CYP20A1: variants seen among roughly 807,000 people sequenced by gnomAD.
CYP20A1 encodes the protein cytochrome P450 20A1.
A neutral mutation model predicts 61.4 loss-of-function variants in CYP20A1; 61 were observed. The observed-to-expected ratio is 0.99, with a 90% CI of 0.81 to 1.23. The LOEUF is 1.23. Among genes scored for constraint, CYP20A1 ranks in the 50% most tolerant of loss-of-function variants. The pLI, the probability that CYP20A1 is intolerant of heterozygous loss-of-function variation, is 0.00. For synonymous variants in CYP20A1, 193 were observed against 188.2 expected, an observed-to-expected ratio of 1.03 and a Z score of -0.21; for missense variants, 530 against 542.4, an observed-to-expected ratio of 0.98 and a Z score of 0.23.
At chr2:203,263,296 T>TGCC in intron 4 of CYP20A1, among the ~76,000 whole-genome samples, 6 of 148,948 alleles carry the variant, frequency 4.0e-5, no homozygotes, top group African/African-American at 1.2e-4. Flanking sequence ...GCTTTTTTTT[T>TGCC]TTTTTTAAAT....
chr2:203,278,840 C>G, intron 7 of CYP20A1, 152 bp downstream of exon 7: 1 of 533,830 alleles, frequency 1.9e-6, no homozygotes, highest in East Asian at 3.1e-5. Context: ...TATAGCAAGA[C>G]GCCATCTATA....
intron 4 of CYP20A1, among the ~76,000 whole-genome samples, chr2:203,257,149 C>CA (rs939628433): frequency 1.2e-3 from 173 of 139,074 alleles, no homozygotes; most frequent in Admixed American, 2.5e-3. Context: ...CCTGTCTCTA[C>CA]AAAAAAAAAA....
rs2069085082 is a variant in CYP20A1 at position 203,303,062 on chromosome 2, A to G, written c.*6154A>G. 6.8e-6 allele frequency among the ~76,000 whole-genome samples: 1 copy of G among 147,012 alleles called. No homozygotes were observed. The highest frequency in any genetic ancestry group is 2.5e-5 in the African/African-American group (1 of 39,712). Reference sequence around the variant, plus strand: ...GTCACCCAGGCTGGAGTGTGGTGGCACGATCTTGGCTCACTGCAACCCCTG... The same window carrying G: ...GTCACCCAGGCTGGAGTGTGGTGGCGCGATCTTGGCTCACTGCAACCCCTG... On this transcript the variant is annotated 3_prime_UTR_variant, in exon 13 of 13. Transcript: ENST00000356079.
chr2:203,276,523 A>T (rs568264509), intron 6 of CYP20A1, among the ~76,000 whole-genome samples: 2 of 152,284 alleles, frequency 1.3e-5, no homozygotes, highest in South Asian at 4.1e-4. Context: ...CAAGAAAAAA[A>T]AAAGGAGGAA....
intron 1 of CYP20A1, among the ~76,000 whole-genome samples, chr2:203,245,347 ATT>A (rs1314143117): frequency 5.7e-5 from 3 of 52,798 alleles, no homozygotes; most frequent in African/African-American, 1.2e-4. Flanking sequence ...TTAAAAAAAA[ATT>A]TTTTTTTTTT....
At chr2:203,290,728 C>T (rs557098383) in intron 10 of CYP20A1, among the ~76,000 whole-genome samples, 11 of 152,206 alleles carry the variant, frequency 7.2e-5, no homozygotes, top group South Asian at 4.1e-4. Flanking sequence ...CTGCAACCTC[C>T]GCCTCCCGAG....
At chr2:203,243,685 C>CTT (rs36041824) in intron 1 of CYP20A1, among the ~76,000 whole-genome samples, 12 of 75,584 alleles carry the variant, frequency 1.6e-4, no homozygotes, top group African/African-American at 2.5e-4. Context: ...CGCCTGGCCT[C>CTT]TTTTTTTTTT....
intron 11 of CYP20A1, among the ~76,000 whole-genome samples, chr2:203,294,978 A>C (rs1365904715): frequency 2.0e-5 from 1 of 48,876 alleles, no homozygotes; most frequent in Non-Finnish European, 3.5e-5. Context: ...TTTGAGACAG[A>C]GTCTCACTCT....
chr2:203,303,159 C>G lies in CYP20A1; in HGVS notation c.*6251C>G, dbSNP rs1413605013. ...GAGACTACGGGTATGTGCCACTACACTCAGCTAATTTTTGTATTTTTTTTT... is the reference window on the plus strand; with the variant it reads ...GAGACTACGGGTATGTGCCACTACAGTCAGCTAATTTTTGTATTTTTTTTT... On this transcript the variant is annotated 3_prime_UTR_variant, in exon 13 of 13. Coordinates refer to ENST00000356079, the MANE Select transcript of CYP20A1 (RefSeq NM_177538.3). Among the ~76,000 whole-genome samples, 2 of 151,844 alleles carry G rather than the reference C, an allele frequency of 1.3e-5. No individual in the cohort carries two copies. The highest frequency in any genetic ancestry group is 3.9e-4 in the East Asian group (2 of 5,122).
intron 4 of CYP20A1, among the ~76,000 whole-genome samples, chr2:203,254,262 AC>A (rs1264055908): frequency 6.6e-6 from 1 of 151,406 alleles, no homozygotes; most frequent in Non-Finnish European, 1.5e-5. Flanking sequence ...TTTATTTTTA[AC>A]CCTTGCCTTC....
At chr2:203,256,100 A>AT in intron 4 of CYP20A1, among the ~76,000 whole-genome samples, 1 of 152,164 alleles carries the variant, frequency 6.6e-6, no homozygotes, top group East Asian at 1.9e-4. Flanking sequence ...AGTAGCTGGG[A>AT]TTACAGGCAT....
intron 3 of CYP20A1, among the ~76,000 whole-genome samples, chr2:203,249,080 A>T (rs1395103777): frequency 6.6e-6 from 1 of 152,218 alleles, no homozygotes; most frequent in Non-Finnish European, 1.5e-5. Context: ...GTAATACAAG[A>T]AAACATGGTT....
chr2:203,271,750 T>TA (rs2067608896), intron 5 of CYP20A1, among the ~76,000 whole-genome samples: 1 of 152,150 alleles, frequency 6.6e-6, no homozygotes, highest in South Asian at 2.1e-4. Flanking sequence ...AATACAAAAA[T>TA]GAGGGCTGGG....
intron 9 of CYP20A1, among the ~76,000 whole-genome samples, chr2:203,287,215 C>CA (rs1168549640): frequency 0.49 from 22,894 of 47,204 alleles, 6,258 homozygotes; most frequent in Middle Eastern, 0.63. Context: ...GACCCTATCT[C>CA]AAAAAAAAAA....
chr2:203,239,924 C>G (rs1359252876), intron 1 of CYP20A1, among the ~76,000 whole-genome samples: 1 of 152,088 alleles, frequency 6.6e-6, no homozygotes, highest in Admixed American at 6.6e-5. Flanking sequence ...GGTGACACAC[C>G]GTCTCTACTA....
chr2:203,286,376 A>G (rs1199429200), intron 9 of CYP20A1, among the ~76,000 whole-genome samples: 1 of 152,182 alleles, frequency 6.6e-6, no homozygotes, highest in African/African-American at 2.4e-5. Context: ...TTGGAATTTC[A>G]TTCAAGATAA....
At chr2:203,252,949 G>A (rs13408163) in intron 4 of CYP20A1, among the ~76,000 whole-genome samples, 135,667 of 151,828 alleles carry the variant, frequency 0.89, 61,465 homozygotes, top group Non-Finnish European at 0.96. Flanking sequence ...CAGTTTCCCA[G>A]TTGGGGTGGC....
rs895317509 is a variant in CYP20A1 at position 203,283,768 on chromosome 2, C to T, written c.851-1844C>T. On this transcript the variant is annotated intron_variant, in intron 8 of 12. Transcript: ENST00000356079. ...TTCACCATGTTGGCCAGGATGGTCTCGTTCTCTTGACCTTGTGATCTGCCC... is the reference window on the plus strand; with the variant it reads ...TTCACCATGTTGGCCAGGATGGTCTTGTTCTCTTGACCTTGTGATCTGCCC... Among the ~76,000 whole-genome samples, 6 of 151,722 alleles carry T rather than the reference C, an allele frequency of 4.0e-5. No individual in the cohort carries two copies. In the East Asian group the frequency reaches 7.8e-4, roughly 20 times the overall value.
chr2:203,256,667 A>G (rs1158764166), intron 4 of CYP20A1, among the ~76,000 whole-genome samples: 1 of 152,090 alleles, frequency 6.6e-6, no homozygotes. Context: ...CAGTAATTCT[A>G]TTTTTTGTAA....
Sources: allele counts gnomAD v4.1 joint callset (sites outside exome capture counted in the v4.1 genomes callset), GRCh38; gene constraint gnomAD v4.1.1; transcripts MANE v1.5; gene names NCBI Gene and HGNC (gene_info 2026-07-23, HGNC 2026-07-21).